JMJD1C: variants seen among roughly 807,000 people sequenced by gnomAD.
JMJD1C encodes the protein jumonji domain containing 1C.
A neutral mutation model predicts 245.3 loss-of-function variants in JMJD1C; 31 were observed. That is an observed-to-expected ratio of 0.13 (90% confidence interval 0.09 to 0.17). The LOEUF (loss-of-function observed/expected upper bound fraction) is 0.17. JMJD1C is among the 10% of genes least tolerant of loss of function. The pLI, the probability that JMJD1C is intolerant of heterozygous loss-of-function variation, is 1.00. For missense variants in JMJD1C, 2,691 were observed against 3,000.2 expected (o/e 0.90, Z 2.41); for synonymous variants, 1,057 against 1,017.4 (o/e 1.04, Z -0.74).
At chr10:63,439,620 A>G (rs1377278531) in intron 1 of JMJD1C, among the ~76,000 whole-genome samples, 2 of 152,172 alleles carry the variant, frequency 1.3e-5, no homozygotes, top group Non-Finnish European at 2.9e-5. Context: ...ATGGTTTTTA[A>G]GGCCTTATTT....
intron 2 of JMJD1C, among the ~76,000 whole-genome samples, chr10:63,290,878 C>CT (rs1858592166): frequency 6.6e-6 from 1 of 151,964 alleles, no homozygotes; most frequent in African/African-American, 2.4e-5. Context: ...AGTATGAAAT[C>CT]TTTATTTTTT....
intron 1 of JMJD1C, among the ~76,000 whole-genome samples, chr10:63,502,481 T>C (rs1954590049): frequency 6.6e-6 from 1 of 151,856 alleles, no homozygotes; most frequent in Non-Finnish European, 1.5e-5. Context: ...CTAATAAACA[T>C]ACAAAAATTA....
chr10:63,210,417 T>TA lies in JMJD1C; in HGVS notation c.2695-1183dup, dbSNP rs529524454. 6.8e-4 allele frequency among the ~76,000 whole-genome samples: 103 copies of TA among 152,336 alleles called. 1 individual carries two copies. Among genetic ancestry groups the TA allele is most frequent in the African/African-American group, 2.4e-3 (100 of 41,584 alleles). ...TTTTATATAACAAATAAAAATCTGA[T>TA]ACACTTGTTTTTAGTTTAACACATT... On this transcript the variant is annotated intron_variant, in intron 8 of 25. Coordinates refer to ENST00000399262, the MANE Select transcript of JMJD1C (RefSeq NM_032776.3).
At chr10:63,468,115 C>T (rs960331700), upstream of JMJD1C, among the ~76,000 whole-genome samples, 1 of 152,080 alleles carries the variant, frequency 6.6e-6, no homozygotes, top group African/African-American at 2.4e-5. Context: ...GCATGTAATC[C>T]AACAAATCAA....
intron 1 of JMJD1C, among the ~76,000 whole-genome samples, chr10:63,402,439 C>T (rs1286841526): frequency 6.6e-6 from 1 of 152,088 alleles, no homozygotes; most frequent in Non-Finnish European, 1.5e-5. Flanking sequence ...AAGCTTAATA[C>T]CTGATGATAT....
At chr10:63,360,895 C>T (rs1945268945) in intron 2 of JMJD1C, among the ~76,000 whole-genome samples, 1 of 152,022 alleles carries the variant, frequency 6.6e-6, no homozygotes, top group Non-Finnish European at 1.5e-5. Flanking sequence ...AGCGATTCTC[C>T]TGCCTCAGCC....
At chr10:63,262,882 A>C (rs1366391252) in intron 3 of JMJD1C, among the ~76,000 whole-genome samples, 3 of 152,132 alleles carry the variant, frequency 2.0e-5, no homozygotes, top group African/African-American at 4.8e-5. Flanking sequence ...AAACATGTCG[A>C]GTTTTAGGCC....
chr10:63,292,505 G>A (rs1858899810), intron 2 of JMJD1C, among the ~76,000 whole-genome samples: 1 of 151,954 alleles, frequency 6.6e-6, no homozygotes, highest in African/African-American at 2.4e-5. Context: ...TAGCTATTCA[G>A]GAGGCTGGGG....
At chr10:63,198,770 AAAC>A in intron 11 of JMJD1C, 43 bp from the exon 12 acceptor site, 2 of 1,151,384 alleles carry the variant, frequency 1.7e-6, no homozygotes, top group Non-Finnish European at 2.5e-6. Flanking sequence ...CCACATATTA[AAAC>A]ATAAGTCCAG....
intron 13 of JMJD1C, chr10:63,194,826 TG>T (rs932687389): frequency 1.8e-5 from 3 of 163,222 alleles, no homozygotes; most frequent in African/African-American, 7.2e-5. Flanking sequence ...ATGAGACATG[TG>T]AAAAAGCTGG....
At chr10:63,467,107 A>G (rs1174155269), upstream of JMJD1C, among the ~76,000 whole-genome samples, 2 of 152,202 alleles carry the variant, frequency 1.3e-5, no homozygotes, top group Admixed American at 1.3e-4. Context: ...AAGCTGGGCA[A>G]TTTGAAGTGG....
intron 22 of JMJD1C, among the ~76,000 whole-genome samples, chr10:63,181,213 T>C (rs1246008541): frequency 1.3e-5 from 2 of 152,206 alleles, no homozygotes; most frequent in East Asian, 3.8e-4. Context: ...AAAATGACAG[T>C]TGATGTTTCT....
At chr10:63,439,302 C>T (rs1951228995) in intron 1 of JMJD1C, among the ~76,000 whole-genome samples, 1 of 152,140 alleles carries the variant, frequency 6.6e-6, no homozygotes, top group Admixed American at 6.6e-5. Flanking sequence ...ATGTTCTGTT[C>T]CTGGCTTTCA....
intron 1 of JMJD1C, among the ~76,000 whole-genome samples, chr10:63,499,824 A>C (rs970591147): frequency 3.9e-5 from 6 of 152,260 alleles, no homozygotes; most frequent in Admixed American, 6.5e-5. Context: ...ATATCAAAGA[A>C]GACGTTAAAA....
upstream of JMJD1C, among the ~76,000 whole-genome samples, chr10:63,469,788 T>C (rs1953432466): frequency 6.6e-6 from 1 of 152,146 alleles, no homozygotes; most frequent in Non-Finnish European, 1.5e-5. Context: ...ATTATATATA[T>C]AGATAGGGCT....
intron 1 of JMJD1C, among the ~76,000 whole-genome samples, chr10:63,446,335 T>C (rs1426946183): frequency 2.0e-5 from 3 of 152,152 alleles, no homozygotes. Flanking sequence ...CAGAACAGGT[T>C]AGTATCAGGA....
At chr10:63,353,682 T>G (rs1944559331) in intron 2 of JMJD1C, among the ~76,000 whole-genome samples, 1 of 150,058 alleles carries the variant, frequency 6.7e-6, no homozygotes, top group South Asian at 2.1e-4. Context: ...CGCCCAGTTA[T>G]TTTTAGTAGA....
intron 2 of JMJD1C, among the ~76,000 whole-genome samples, chr10:63,330,036 G>T (rs1329481126): frequency 6.6e-6 from 1 of 152,194 alleles, no homozygotes; most frequent in Non-Finnish European, 1.5e-5. Context: ...GAGTAGCTGG[G>T]ACTACAGGCA....
At chr10:63,484,056 T>C (rs1953906542) in intron 1 of JMJD1C, among the ~76,000 whole-genome samples, 1 of 152,142 alleles carries the variant, frequency 6.6e-6, no homozygotes, top group South Asian at 2.1e-4. Context: ...AAGAATAACA[T>C]GCCTAAGTTA....
Sources: gnomAD v4.1 joint callset for allele counts (sites outside exome capture counted in the v4.1 genomes callset) on GRCh38, gnomAD v4.1.1 for gene constraint, MANE v1.5 for transcripts, NCBI Gene and HGNC (gene_info 2026-07-23, HGNC 2026-07-21) for gene names.